Variants in SLC6A19 observed in about 807,000 individuals in gnomAD.
The protein encoded by SLC6A19 is solute carrier family 6 member 19, also known as sodium-dependent neutral amino acid transporter B(0)AT1.
A neutral mutation model predicts 68.3 loss-of-function variants in SLC6A19; 67 were observed. The observed-to-expected ratio is 0.98, with a 90% confidence interval of 0.81 to 1.20. The LOEUF is 1.20. Among genes scored for constraint, SLC6A19 ranks in the 50% most tolerant of loss-of-function variants. The pLI is 0.00. For missense variants in SLC6A19, 813 were observed against 851.6 expected, an observed-to-expected ratio of 0.95 and a Z score of 0.56; for synonymous variants, 392 against 374.9, an observed-to-expected ratio of 1.05 and a Z score of -0.53.
At chr5:1,205,509 G>T (rs971715314) in intron 1 of SLC6A19, among the ~76,000 whole-genome samples, 11 of 152,184 alleles carry the variant, frequency 7.2e-5, no homozygotes, top group Non-Finnish European at 1.2e-4. Flanking sequence ...AGGGTCTCCT[G>T]CCCGGAGGAA....
chr5:1,211,339 AG>A (rs1746022633), intron 3 of SLC6A19, among the ~76,000 whole-genome samples: 1 of 152,258 alleles, frequency 6.6e-6, no homozygotes, highest in African/African-American at 2.4e-5. Flanking sequence ...GAAAGGTCTC[AG>A]GATGGTTCCA....
At chr5:1,217,627 G>A (rs557829677) in intron 8 of SLC6A19, among the ~76,000 whole-genome samples, 8 of 152,344 alleles carry the variant, frequency 5.3e-5, no homozygotes, top group South Asian at 4.1e-4. Context: ...AGAGGGCTCC[G>A]CGGCCTCTCC....
Position 1,212,523 on chromosome 5 carries a change from G to A in SLC6A19, c.663+39G>A. On this transcript the variant is annotated intron_variant, in intron 4 of 11. Transcript: ENST00000304460. The surrounding 1 kb of genome is among the most constrained non-coding windows in gnomAD (Gnocchi z 5.1). ...CCGGCCAGGCTGCAGGTGCTCCAGA[G>A]GGCGGGTGCGGGCAGCCCTGCCTCC... is the stretch of plus-strand genomic sequence containing the variant. 6.2e-7 allele frequency: 1 copy of A among 1,600,140 alleles called. No homozygotes were observed. Among genetic ancestry groups the A allele is most frequent in the African/African-American group, 1.3e-5 (1 of 74,902 alleles).
intron 2 of SLC6A19, 102 bp from the exon 3 acceptor site, chr5:1,210,342 C>G (rs1377596820): frequency 6.5e-7 from 1 of 1,537,964 alleles, no homozygotes; most frequent in African/African-American, 1.4e-5. Flanking sequence ...CCCATCCCAG[C>G]CACACCCTGT....
At chr5:1,218,046 C>CGCCTCCTCCCACCTCCT (rs1171463019) in intron 8 of SLC6A19, among the ~76,000 whole-genome samples, 3 of 138,304 alleles carry the variant, frequency 2.2e-5, no homozygotes, top group Non-Finnish European at 4.7e-5. Flanking sequence ...TGCCTCCTCC[C>CGCCTCCTCCCACCTCCT]GCCTCCTCCC....
rs762412163 is a variant in SLC6A19, at chr5:1,213,482, C to A, written c.683C>A (p.Thr228Lys). ...CCGCAGGCCGTGTACATCACCTCCA[C>A]GCTGCCCTATGTCGTCCTGACCATC... Reference protein sequence around the residue: ...TTGKAVYITSTLPYVVLTIFL... With the variant: ...TTGKAVYITSKLPYVVLTIFL... Residue 228 changes from threonine (T) to lysine (K), a missense_variant, in exon 5 of 12, where the codon ACG (threonine) becomes AAG (lysine). By Grantham distance (78) the Thr-to-Lys change is moderately conservative (BLOSUM62 -1). Transcript: ENST00000304460. 4 of 1,605,908 alleles carry A rather than the reference C, an allele frequency of 2.5e-6. No homozygotes were observed. The East Asian group carries it at 9.0e-5, about 36-fold the overall frequency.
chr5:1,212,558 C>T lies in SLC6A19; in HGVS notation c.663+74C>T. 1 of 1,574,836 alleles carries T rather than the reference C, an allele frequency of 6.3e-7. No homozygotes were observed. On this transcript the variant is annotated intron_variant, in intron 4 of 11. Transcript: ENST00000304460. This position sits in a 1 kb window ranked among gnomAD's most constrained non-coding sequence, Gnocchi z 5.1. ...GGGCAGCCCTGCCTCCGGCCGGCTG[C>T]ACTCTAAAACCCAGGTCTGGGGGTC...
In SLC6A19 at chr5:1,212,495, G is replaced by A. The variant is rs1380667707; in HGVS notation, c.663+11G>A. On this transcript the variant is annotated intron_variant, in intron 4 of 11. Coordinates refer to ENST00000304460, the MANE Select transcript of SLC6A19 (RefSeq NM_001003841.3). The surrounding 1 kb of genome is among the most constrained non-coding windows in gnomAD (Gnocchi z 5.1). ...GAGACCACCGGGAAGGTACTGCATGGGCCCGGCCAGGCTGCAGGTGCTCCA... is the reference window on the plus strand; with the variant it reads ...GAGACCACCGGGAAGGTACTGCATGAGCCCGGCCAGGCTGCAGGTGCTCCA... 4 of 1,604,830 alleles carry A rather than the reference G, an allele frequency of 2.5e-6. No homozygotes were observed. Among genetic ancestry groups the A allele is most frequent in the African/African-American group, 2.7e-5 (2 of 74,986 alleles).
chr5:1,221,553 A>T, intron 11 of SLC6A19, 148 bp from the exon 12 acceptor site: 1 of 1,100,172 alleles, frequency 9.1e-7, no homozygotes, highest in Non-Finnish European at 1.3e-6. Context: ...GTTGGGAGGT[A>T]GGGGAAAGGG....
rs1439451638 is a variant in SLC6A19, at chr5:1,224,557, A to G, written c.*2653A>G. 2 of 152,388 alleles carry G rather than the reference A, an allele frequency of 1.3e-5. No homozygotes were observed. Among genetic ancestry groups the G allele is most frequent in the Admixed American group, 1.3e-4 (2 of 15,286 alleles). 9.4% of individuals were successfully genotyped at this position (152,388 alleles called of 1,614,324 possible). A position where few individuals can be genotyped will look rare whatever the true frequency, so the allele number is the denominator to read the frequency against. Reference sequence around the variant, plus strand: ...TGTGGCCTCACAATGGGGACCAACCAGCTCTTCTCATCTTCTTCCCTCACA... The same window carrying G: ...TGTGGCCTCACAATGGGGACCAACCGGCTCTTCTCATCTTCTTCCCTCACA... On this transcript the variant is annotated 3_prime_UTR_variant, in exon 12 of 12. Transcript: ENST00000304460.
intron 8 of SLC6A19, among the ~76,000 whole-genome samples, chr5:1,217,248 C>A (rs2126510106): frequency 6.6e-6 from 1 of 152,350 alleles, no homozygotes; most frequent in East Asian, 1.9e-4. Flanking sequence ...ACACAAAACA[C>A]CCCCTGGGGC....
rs977615492 is a variant in SLC6A19 at position 1,216,688 on chromosome 5, T to A, written c.1016+2T>A. The A allele has an allele frequency of 6.2e-7, 1 of 1,613,674 alleles. No homozygotes were observed. Among genetic ancestry groups the A allele is most frequent in the African/African-American group, 1.3e-5 (1 of 74,952 alleles). ...GCGCTACGACGACTGCTTCAGCACG[T>A]GAGTGGCTGTCCCACCATCCTGGTG... is the stretch of plus-strand genomic sequence containing the variant. On this transcript the variant is annotated splice_donor_variant, in intron 7 of 11. Coordinates refer to ENST00000304460, the MANE Select transcript of SLC6A19 (RefSeq NM_001003841.3). LOFTEE classifies it high-confidence loss of function.
At position 1,223,518 on chromosome 5, in the gene SLC6A19, C is replaced by G. The variant is rs1746455192; in HGVS notation, c.*1614C>G. ...GGGCCCCCATTGGGGTTCAACATTC[C>G]ATCGCAGCCAAAGGCAGTCGGCACT... On this transcript the variant is annotated 3_prime_UTR_variant, in exon 12 of 12. Coordinates refer to ENST00000304460, the MANE Select transcript of SLC6A19 (RefSeq NM_001003841.3). The G allele has an allele frequency of 6.6e-6, 1 of 152,364 alleles. No individual in the cohort carries two copies. Among genetic ancestry groups the G allele is most frequent in the South Asian group, 2.1e-4 (1 of 4,834 alleles). 9.4% of individuals were successfully genotyped at this position (152,364 alleles called of 1,614,324 possible). A position where few individuals can be genotyped will look rare whatever the true frequency, so the allele number is the denominator to read the frequency against.
chr5:1,205,524 C>T (rs1745830011), intron 1 of SLC6A19, among the ~76,000 whole-genome samples: 1 of 152,206 alleles, frequency 6.6e-6, no homozygotes, highest in African/African-American at 2.4e-5. Context: ...GAGGAACCTT[C>T]AGAAAGGAGA....
Position 1,210,514 on chromosome 5 carries a change from G to A in SLC6A19, c.414G>A (p.Trp138Ter), listed in dbSNP as rs1561163947. 6.2e-7 allele frequency: 1 copy of A among 1,613,504 alleles called. No homozygotes were observed. The highest frequency in any genetic ancestry group is 8.5e-7 in the Non-Finnish European group (1 of 1,180,038). The change falls in exon 3 of 12, where the codon TGG becomes TGA. Residue 138 changes from tryptophan (W) to a stop codon, truncating the protein, a stop_gained. Transcript: ENST00000304460. LOFTEE classifies it high-confidence loss of function. ...YYNTIISWIM[W>*]YLFNSFQEPL... ...ACACCATCATCTCCTGGATCATGTG[G>A]TACTTATTCAACTCCTTCCAGGAGC...
At chr5:1,210,726 A>C in intron 3 of SLC6A19, 145 bp downstream of exon 3, 1 of 1,232,278 alleles carries the variant, frequency 8.1e-7, no homozygotes, top group Non-Finnish European at 1.1e-6. Context: ...TGACAGCACG[A>C]AAGAAAAGAC....
chr5:1,224,928 C>T lies in SLC6A19; in HGVS notation c.*3024C>T, dbSNP rs72544111. On this transcript the variant is annotated 3_prime_UTR_variant, in exon 12 of 12. Transcript: ENST00000304460. ...TGTCACCCTGTCCTGCCCAGCGGCC[C>T]GAGGGCAGCAGTGGGTGTGAGGGCA... 1,842 of 154,854 alleles carry T rather than the reference C, an allele frequency of 0.012. 17 individuals are homozygous for T. Among genetic ancestry groups the T allele is most frequent in the Non-Finnish European group, 0.017 (1,173 of 69,630 alleles). 9.6% of individuals were successfully genotyped at this position (154,854 alleles called of 1,614,324 possible). A position where few individuals can be genotyped will look rare whatever the true frequency, so the allele number is the denominator to read the frequency against.
In SLC6A19 at chr5:1,213,636, G is replaced by A. The variant is rs1336198659; in HGVS notation, c.774+63G>A. ...AGAGGCCTGGCTGCCCTGTGCCCCC[G>A]CCAGCCTCAATACCAGCTCTCACCC... On this transcript the variant is annotated intron_variant, in intron 5 of 11. Coordinates refer to ENST00000304460, the MANE Select transcript of SLC6A19 (RefSeq NM_001003841.3). 40 of 1,474,050 alleles carry A rather than the reference G, an allele frequency of 2.7e-5. 1 individual carries two copies. Among genetic ancestry groups the A allele is most frequent in the Middle Eastern group, 3.9e-4 (2 of 5,112 alleles). The allele number at this position is 1,474,050 out of a possible 1,614,324, so 91.3% of individuals were successfully genotyped here.
rs980202357 is a variant in SLC6A19, at chr5:1,215,706, C to T, written c.888-852C>T. 2.0e-5 allele frequency among the ~76,000 whole-genome samples: 3 copies of T among 152,204 alleles called. No homozygotes were observed. Among genetic ancestry groups the T allele is most frequent in the East Asian group, 1.9e-4 (1 of 5,202 alleles). On this transcript the variant is annotated intron_variant, in intron 6 of 11. Transcript: ENST00000304460. The surrounding 1 kb of genome is among the most constrained non-coding windows in gnomAD (Gnocchi z 5.1). ...TCATGCTGACGTGAGCCTGTGTGTA[C>T]GCGTTTTTGTGGACGCATGCTTTCG...
Sources: allele counts gnomAD v4.1 joint callset (sites outside exome capture counted in the v4.1 genomes callset), GRCh38; gene constraint gnomAD v4.1.1; non-coding constraint Gnocchi (gnomAD v3.1); transcripts MANE v1.5; gene names NCBI Gene and HGNC (gene_info 2026-07-23, HGNC 2026-07-21).